Variants in GPATCH2 observed in about 807,000 individuals in gnomAD.
GPATCH2 encodes G-patch domain containing 2.
GPATCH2 carries 51 observed loss-of-function variants against 58.0 expected under a neutral mutation model. The observed-to-expected ratio is 0.88, with a 90% CI of 0.70 to 1.11. GPATCH2 has a LOEUF of 1.11. Ranked by LOEUF, GPATCH2 falls within the 50% of genes most tolerant of loss-of-function variation. GPATCH2 has a pLI of 0.00. For synonymous variants in GPATCH2, 222 were observed against 218.5 expected, an observed-to-expected ratio of 1.02 and a Z score of -0.14; for missense variants, 625 against 652.2, an observed-to-expected ratio of 0.96 and a Z score of 0.45.
At chr1:217,512,101 T>G (rs1662885182) in intron 6 of GPATCH2, among the ~76,000 whole-genome samples, 1 of 152,068 alleles carries the variant, frequency 6.6e-6, no homozygotes, top group Admixed American at 6.6e-5. Flanking sequence ...GTGGCAGGAT[T>G]GCTTGAACCC....
intron 2 of GPATCH2, among the ~76,000 whole-genome samples, 180 bp downstream of exon 2, chr1:217,619,603 C>A (rs1669079583): frequency 6.6e-6 from 1 of 152,004 alleles, no homozygotes; most frequent in Non-Finnish European, 1.5e-5. Context: ...ATCAAACAAG[C>A]AATTTTGCTT....
intron 8 of GPATCH2, among the ~76,000 whole-genome samples, chr1:217,458,441 T>G (rs2102483939): frequency 6.6e-6 from 1 of 152,290 alleles, no homozygotes; most frequent in Non-Finnish European, 1.5e-5. Flanking sequence ...TTTATGAAAT[T>G]CAGGTAATTA....
Position 217,590,386 on chromosome 1 carries a change from CT to C in GPATCH2, c.1098+19934del, listed in dbSNP as rs368536877. 1.8e-4 allele frequency among the ~76,000 whole-genome samples: 27 copies of C among 152,196 alleles called. No individual in the cohort carries two copies. In the South Asian group the frequency reaches 5.6e-3, roughly 32 times the overall value. On this transcript the variant is annotated intron_variant, in intron 5 of 9. Coordinates refer to ENST00000366935, the MANE Select transcript of GPATCH2 (RefSeq NM_018040.5). Reference sequence around the variant, plus strand: ...GGAAAACAGCTCAAAATGCAACCATCTCATTTCCCACATTATATACTAAACT... The same window carrying C: ...GGAAAACAGCTCAAAATGCAACCATCCATTTCCCACATTATATACTAAACT...
At chr1:217,465,014 A>G (rs1660378562) in intron 8 of GPATCH2, among the ~76,000 whole-genome samples, 1 of 152,122 alleles carries the variant, frequency 6.6e-6, no homozygotes, top group African/African-American at 2.4e-5. Flanking sequence ...AGTCACAACT[A>G]GAGAGGTTGA....
chr1:217,501,994 C>T (rs779191156), intron 6 of GPATCH2, among the ~76,000 whole-genome samples: 1 of 151,840 alleles, frequency 6.6e-6, no homozygotes, highest in East Asian at 1.9e-4. Flanking sequence ...AGCTTTTGCA[C>T]GTTTCTCAAA....
At chr1:217,498,894 C>A in intron 6 of GPATCH2, 1 of 177,614 alleles carries the variant, frequency 5.6e-6, no homozygotes, top group Non-Finnish European at 1.2e-5. Flanking sequence ...TGGACCTATT[C>A]CCTCCACAGT....
rs35836441 is a variant in GPATCH2 at position 217,511,817 on chromosome 1, C to CTGTGTGTGTGTGTG, written c.1166+2991_1166+3004dup. 5.5e-3 allele frequency among the ~76,000 whole-genome samples: 813 copies of CTGTGTGTGTGTGTG among 149,020 alleles called. 6 individuals are homozygous for CTGTGTGTGTGTGTG. The highest frequency in any genetic ancestry group is 0.019 in the African/African-American group (759 of 40,580). On this transcript the variant is annotated intron_variant, in intron 6 of 9. Coordinates refer to ENST00000366935, the MANE Select transcript of GPATCH2 (RefSeq NM_018040.5). ...CAACCTATGTAACTTAACTGGAAGTCTGTGTGTGTGTGTGTGTGTGTGTTT... is the reference window on the plus strand; with the variant it reads ...CAACCTATGTAACTTAACTGGAAGTCTGTGTGTGTGTGTGTGTGTGTGTGTGTGTGTGTGTGTTT...
At chr1:217,558,872 C>G in intron 5 of GPATCH2, among the ~76,000 whole-genome samples, 1 of 152,150 alleles carries the variant, frequency 6.6e-6, no homozygotes, top group Non-Finnish European at 1.5e-5. Flanking sequence ...GAAGTCATCC[C>G]TGACTACTAC....
At chr1:217,589,810 T>TA (rs1667507394) in intron 5 of GPATCH2, among the ~76,000 whole-genome samples, 1 of 152,198 alleles carries the variant, frequency 6.6e-6, no homozygotes, top group Non-Finnish European at 1.5e-5. Context: ...CTTATTGCTC[T>TA]ATTCAGTCTG....
chr1:217,450,561 C>A (rs958054735), intron 8 of GPATCH2, among the ~76,000 whole-genome samples: 2 of 151,976 alleles, frequency 1.3e-5, no homozygotes, highest in Non-Finnish European at 2.9e-5. Context: ...CACCACAAAA[C>A]CTTATCAACA....
intron 5 of GPATCH2, among the ~76,000 whole-genome samples, chr1:217,570,592 C>A (rs1666486653): frequency 2.0e-5 from 3 of 151,910 alleles, no homozygotes. Context: ...CAAATATAAT[C>A]CTGGAATTAT....
chr1:217,495,369 G>A (rs1006912280), intron 7 of GPATCH2, among the ~76,000 whole-genome samples: 1 of 152,112 alleles, frequency 6.6e-6, no homozygotes, highest in African/African-American at 2.4e-5. Flanking sequence ...TCAAGCTCAG[G>A]AGTGCTTCTA....
chr1:217,446,375 CTG>C (rs1659387736), intron 9 of GPATCH2, among the ~76,000 whole-genome samples: 3 of 152,170 alleles, frequency 2.0e-5, no homozygotes, highest in South Asian at 4.1e-4. Context: ...AATTTGAAAA[CTG>C]TAATTTTCAG....
intron 8 of GPATCH2, among the ~76,000 whole-genome samples, chr1:217,461,546 G>T (rs1190801345): frequency 6.6e-6 from 1 of 152,096 alleles, no homozygotes; most frequent in African/African-American, 2.4e-5. Flanking sequence ...AATAGTTATT[G>T]AATAAAATTT....
Position 217,431,069 on chromosome 1 carries a change from A to C in GPATCH2, c.*76T>G. 2 of 819,328 alleles carry C rather than the reference A, an allele frequency of 2.4e-6. No individual in the cohort carries two copies. Among genetic ancestry groups the C allele is most frequent in the Non-Finnish European group, 4.3e-6 (2 of 464,420 alleles). The allele number at this position is 819,328 out of a possible 1,614,324, so 50.8% of individuals were successfully genotyped here. ...GGCAATGTAGATTTTTGCTTCAAAA[A>C]CAGAAGTCATGTTATCATTTTAGAA... On this transcript the variant is annotated 3_prime_UTR_variant, in exon 10 of 10. Coordinates refer to ENST00000366935, the MANE Select transcript of GPATCH2 (RefSeq NM_018040.5).
intron 7 of GPATCH2, among the ~76,000 whole-genome samples, chr1:217,493,843 ATAGT>A (rs1383566121): frequency 1.3e-5 from 2 of 152,148 alleles, no homozygotes; most frequent in Non-Finnish European, 2.9e-5. Flanking sequence ...ATAATAGTTA[ATAGT>A]TAATTATGTT....
chr1:217,503,803 A>G (rs1005679389), intron 6 of GPATCH2, among the ~76,000 whole-genome samples: 3 of 152,118 alleles, frequency 2.0e-5, no homozygotes, highest in African/African-American at 7.2e-5. Context: ...GAGGAAAAAA[A>G]AAGTGTGCTA....
At chr1:217,517,720 C>A (rs1356748318) in intron 5 of GPATCH2, among the ~76,000 whole-genome samples, 2 of 152,080 alleles carry the variant, frequency 1.3e-5, no homozygotes, top group Non-Finnish European at 2.9e-5. Context: ...AGTATGGTGA[C>A]TGTTTTCTTC....
At chr1:217,438,585 A>T (rs1037128178) in intron 9 of GPATCH2, among the ~76,000 whole-genome samples, 20 of 152,216 alleles carry the variant, frequency 1.3e-4, no homozygotes, top group African/African-American at 4.6e-4. Context: ...AAGTATCAAT[A>T]GCTAAATTGA....
Sources: allele counts gnomAD v4.1 joint callset (sites outside exome capture counted in the v4.1 genomes callset), GRCh38; gene constraint gnomAD v4.1.1; transcripts MANE v1.5; gene names NCBI Gene and HGNC (gene_info 2026-07-23, HGNC 2026-07-21).